KCNIP4: variants seen among roughly 807,000 people sequenced by gnomAD.
KCNIP4 encodes the protein Kv channel-interacting protein 4.
KCNIP4 carries 12 observed loss-of-function variants against 34.0 expected under a neutral mutation model. The observed-to-expected ratio is 0.35, with a 90% confidence interval of 0.23 to 0.57. KCNIP4 has a LOEUF of 0.57. KCNIP4 is among the 20% of genes least tolerant of loss of function. The pLI, the probability that KCNIP4 is intolerant of heterozygous loss-of-function variation, is 0.83. For synonymous variants in KCNIP4, 124 were observed against 102.2 expected, an observed-to-expected ratio of 1.21 and a Z score of -1.29; for missense variants, 238 against 311.7, an observed-to-expected ratio of 0.76 and a Z score of 1.78.
intron 1 of KCNIP4, among the ~76,000 whole-genome samples, chr4:21,635,182 T>C (rs900525867): frequency 6.6e-5 from 10 of 152,196 alleles, no homozygotes; most frequent in Admixed American, 5.9e-4. Flanking sequence ...CCATACTTCA[T>C]TGAAACTTAC....
Position 21,077,427 on chromosome 4 carries a change from T to G in KCNIP4, c.62-194718A>C, listed in dbSNP as rs569296942. Among the ~76,000 whole-genome samples the G allele has an allele frequency of 3.3e-5, 5 of 152,260 alleles. No individual in the cohort carries two copies. In the East Asian group the frequency reaches 9.7e-4, roughly 29 times the overall value. On this transcript the variant is annotated intron_variant, in intron 1 of 8. Transcript: ENST00000382152. ...TTCTGGAAGTTAAATAAAAATGGCTTATTATAATGCTGGTCTTTTTACTAA... is the reference window on the plus strand; with the variant it reads ...TTCTGGAAGTTAAATAAAAATGGCTGATTATAATGCTGGTCTTTTTACTAA...
At chr4:20,850,440 T>C in intron 3 of KCNIP4, 103 bp downstream of exon 3, 2 of 1,214,428 alleles carry the variant, frequency 1.6e-6, no homozygotes, top group Non-Finnish European at 1.2e-6. Flanking sequence ...AATATACATA[T>C]GATGGGGCTC....
intron 1 of KCNIP4, among the ~76,000 whole-genome samples, chr4:21,221,826 G>C (rs868649522): frequency 1.3e-5 from 2 of 152,172 alleles, no homozygotes; most frequent in South Asian, 4.1e-4. Context: ...TCAAGAAAAT[G>C]CTACAATCTG....
chr4:21,173,354 T>C (rs181857375), intron 1 of KCNIP4, among the ~76,000 whole-genome samples: 10 of 152,158 alleles, frequency 6.6e-5, no homozygotes, highest in Admixed American at 2.6e-4. Context: ...ACTGAGTGCA[T>C]ATCACGTGAG....
chr4:21,728,903 C>A (rs1362788987), intron 1 of KCNIP4, among the ~76,000 whole-genome samples: 1 of 152,106 alleles, frequency 6.6e-6, no homozygotes, highest in African/African-American at 2.4e-5. Flanking sequence ...ACACTGGATT[C>A]TTCTCTTTCC....
intron 1 of KCNIP4, among the ~76,000 whole-genome samples, chr4:21,932,805 T>G (rs533557379): frequency 6.6e-6 from 1 of 151,640 alleles, no homozygotes; most frequent in Non-Finnish European, 1.5e-5. Flanking sequence ...TCTACTATTA[T>G]CTAAGAAAAA....
chr4:20,901,720 T>C (rs967800862), intron 1 of KCNIP4, among the ~76,000 whole-genome samples: 1 of 152,206 alleles, frequency 6.6e-6, no homozygotes, highest in African/African-American at 2.4e-5. Flanking sequence ...CTTAACTCTT[T>C]AAGCTTCAGT....
intron 1 of KCNIP4, among the ~76,000 whole-genome samples, chr4:21,809,770 C>T (rs1404965657): frequency 3.3e-5 from 5 of 152,130 alleles, no homozygotes; most frequent in Non-Finnish European, 7.4e-5. Flanking sequence ...ACTTCAAATG[C>T]TACTCTAATG....
chr4:20,855,472 G>A (rs1577258518), intron 2 of KCNIP4, among the ~76,000 whole-genome samples: 1 of 152,200 alleles, frequency 6.6e-6, no homozygotes, highest in East Asian at 1.9e-4. Flanking sequence ...TGGGTCAGTT[G>A]GAAATGTAGT....
At chr4:21,706,227 C>G (rs1319915212) in intron 1 of KCNIP4, among the ~76,000 whole-genome samples, 1 of 152,102 alleles carries the variant, frequency 6.6e-6, no homozygotes, top group Non-Finnish European at 1.5e-5. Context: ...TGAGCAAAGC[C>G]ACTGTCATTT....
chr4:21,372,417 C>CAGATAT, intron 1 of KCNIP4, among the ~76,000 whole-genome samples: 1 of 142,222 alleles, frequency 7.0e-6, no homozygotes, highest in East Asian at 2.1e-4. Context: ...CAGACAGATA[C>CAGATAT]AGATATAGAT....
At chr4:21,312,993 A>G (rs766578801) in intron 1 of KCNIP4, among the ~76,000 whole-genome samples, 9 of 152,238 alleles carry the variant, frequency 5.9e-5, no homozygotes, top group Non-Finnish European at 1.3e-4. Flanking sequence ...GATAAAGTAG[A>G]TATTTCAGTT....
At chr4:20,949,065 T>G (rs566162249) in intron 1 of KCNIP4, among the ~76,000 whole-genome samples, 1 of 152,308 alleles carries the variant, frequency 6.6e-6, no homozygotes, top group East Asian at 1.9e-4. Flanking sequence ...GCCGTGATTT[T>G]TTGAGCACAT....
intron 1 of KCNIP4, among the ~76,000 whole-genome samples, chr4:21,634,262 C>G (rs1195167610): frequency 1.4e-5 from 2 of 142,424 alleles, no homozygotes; most frequent in African/African-American, 2.5e-5. Context: ...TACATACATA[C>G]TTTTATGCCT....
At chr4:20,878,952 G>A (rs979689795) in intron 2 of KCNIP4, among the ~76,000 whole-genome samples, 10 of 152,150 alleles carry the variant, frequency 6.6e-5, no homozygotes, top group African/African-American at 2.4e-4. Flanking sequence ...GATGGTGGGT[G>A]GGGGATCATT....
chr4:21,444,610 T>C (rs1215193516), intron 1 of KCNIP4, among the ~76,000 whole-genome samples: 1 of 152,202 alleles, frequency 6.6e-6, no homozygotes, highest in Non-Finnish European at 1.5e-5. Flanking sequence ...AAATTAGGTA[T>C]TGATGGGACG....
At chr4:20,761,721 T>C (rs16869931) in intron 3 of KCNIP4, among the ~76,000 whole-genome samples, 14,167 of 152,222 alleles carry the variant, frequency 0.093, 906 homozygotes, top group African/African-American at 0.19. Context: ...TTGATAGATA[T>C]AATGTGAAAT....
chr4:21,175,893 T>C (rs1379400996), intron 1 of KCNIP4, among the ~76,000 whole-genome samples: 1 of 152,200 alleles, frequency 6.6e-6, no homozygotes, highest in Non-Finnish European at 1.5e-5. Flanking sequence ...AGGACTATGG[T>C]ATACCTCTAC....
chr4:20,803,720 AG>A (rs1714684811), intron 3 of KCNIP4, among the ~76,000 whole-genome samples: 2 of 133,194 alleles, frequency 1.5e-5, no homozygotes, highest in Admixed American at 8.1e-5. Flanking sequence ...AGAGAGAGAG[AG>A]AGAGAGAGGA....
Sources: allele counts gnomAD v4.1 joint callset (sites outside exome capture counted in the v4.1 genomes callset), GRCh38; gene constraint gnomAD v4.1.1; transcripts MANE v1.5; gene names NCBI Gene and HGNC (gene_info 2026-07-23, HGNC 2026-07-21).